Variants in KCNMB1 observed in about 807,000 individuals in gnomAD.
KCNMB1 encodes potassium calcium-activated channel subfamily M regulatory beta subunit 1, also known as calcium-activated potassium channel subunit beta-1.
Under a neutral mutation model 21.7 loss-of-function variants are expected in KCNMB1, and 22 were observed. That is an observed-to-expected ratio of 1.01 (90% CI 0.72 to 1.45). The LOEUF (loss-of-function observed/expected upper bound fraction) is 1.45. KCNMB1 is among the 40% of genes most tolerant of loss of function. The probability of loss-of-function intolerance (pLI) is 0.00; values close to 1 mark genes in which losing one functional copy is unlikely to be tolerated. For synonymous variants in KCNMB1, 114 were observed against 107.6 expected (o/e 1.06, Z -0.37); for missense variants, 243 against 243.4 (o/e 1.00, Z 0.01).
intron 3 of KCNMB1, among the ~76,000 whole-genome samples, chr5:170,379,684 C>A (rs1249260313): frequency 6.6e-6 from 1 of 152,204 alleles, no homozygotes; most frequent in African/African-American, 2.4e-5. Flanking sequence ...GAAACCAGAT[C>A]ACACCTGTAA....
intron 2 of KCNMB1, 108 bp downstream of exon 2, chr5:170,385,206 C>A: frequency 8.1e-7 from 1 of 1,234,832 alleles, no homozygotes. Flanking sequence ...GACCCTGCTG[C>A]CTTGAATGAG....
At position 170,377,285 on chromosome 5, in the gene KCNMB1, C is replaced by T. The variant is rs1764042968; in HGVS notation, c.*1419G>A. 6.6e-6 allele frequency: 1 copy of T among 152,324 alleles called. No homozygotes were observed. Among genetic ancestry groups the T allele is most frequent in the Admixed American group, 6.5e-5 (1 of 15,288 alleles). 9.4% of individuals were successfully genotyped at this position (152,324 alleles called of 1,614,324 possible). ...ATTGCTACCCCCACCCCGTGCAGGG[C>T]TTCTGGCGTGGTGGGGCTGGGACAG... is the stretch of plus-strand genomic sequence containing the variant. On this transcript the variant is annotated 3_prime_UTR_variant, in exon 4 of 4. Coordinates refer to ENST00000274629, the MANE Select transcript of KCNMB1 (RefSeq NM_004137.4).
In KCNMB1 at chr5:170,385,464, G is replaced by A. The variant is rs1189999141; in HGVS notation, c.-17C>T. The A allele has an allele frequency of 6.2e-7, 1 of 1,614,038 alleles. No individual in the cohort carries two copies. The highest frequency in any genetic ancestry group is 8.5e-7 in the Non-Finnish European group (1 of 1,179,978). ...CTTCACCATATTCACTGGGGGCAGT[G>A]ATCATTTCTAGGTCCACAGAAGCAA... On this transcript the variant is annotated 5_prime_UTR_variant, in exon 2 of 4. Coordinates refer to ENST00000274629, the MANE Select transcript of KCNMB1 (RefSeq NM_004137.4).
At position 170,377,951 on chromosome 5, in the gene KCNMB1, TC is replaced by T; in HGVS notation, c.*752del. Reference sequence around the variant, plus strand: ...AACTCCGTCCCCAGACCCACTTCCATCTTTTTCTGTGAGGGGGACACACTCT... The same window carrying T: ...AACTCCGTCCCCAGACCCACTTCCATTTTTTCTGTGAGGGGGACACACTCT... On this transcript the variant is annotated 3_prime_UTR_variant, in exon 4 of 4. Transcript: ENST00000274629. The T allele has an allele frequency of 6.6e-6, 1 of 152,054 alleles. No homozygotes were observed. Among genetic ancestry groups the T allele is most frequent in the East Asian group, 1.9e-4 (1 of 5,144 alleles). 9.4% of individuals were successfully genotyped at this position (152,054 alleles called of 1,614,324 possible).
intron 3 of KCNMB1, among the ~76,000 whole-genome samples, chr5:170,381,563 A>G (rs1213063076): frequency 5.3e-5 from 8 of 152,292 alleles, no homozygotes; most frequent in African/African-American, 1.9e-4. Context: ...GCTTGGCAAA[A>G]ACACGAAGGG....
Position 170,385,550 on chromosome 5 carries a change from G to A in KCNMB1, c.-24-79C>T, listed in dbSNP as rs1581135692. The A allele has an allele frequency of 3.1e-6, 4 of 1,296,460 alleles. No homozygotes were observed. The East Asian group carries it at 7.1e-5, about 23-fold the overall frequency. 80.3% of individuals were successfully genotyped at this position (1,296,460 alleles called of 1,614,324 possible). On this transcript the variant is annotated intron_variant, in intron 1 of 3. Transcript: ENST00000274629. ...ACAGAAAGAGAGGACAGGTGAGAGG[G>A]GAAGGTACTCAACTATTAATATCAC... is the stretch of plus-strand genomic sequence containing the variant.
Position 170,374,983 on chromosome 5 carries a change from A to G in KCNMB1, c.*3721T>C, listed in dbSNP as rs1394411239. On this transcript the variant is annotated 3_prime_UTR_variant, in exon 4 of 4. Coordinates refer to ENST00000274629, the MANE Select transcript of KCNMB1 (RefSeq NM_004137.4). ...AGAGGAACATGGCCTTTTCCCCTGC[A>G]GGGATTGTTTGGGTATTCTGAGTTT... The G allele has an allele frequency of 6.6e-6, 1 of 152,174 alleles. No individual in the cohort carries two copies. Among genetic ancestry groups the G allele is most frequent in the Non-Finnish European group, 1.5e-5 (1 of 68,020 alleles). 9.4% of individuals were successfully genotyped at this position (152,174 alleles called of 1,614,324 possible).
At chr5:170,383,874 A>G (rs1764359400) in intron 2 of KCNMB1, 24 bp from the exon 3 acceptor site, 5 of 1,611,812 alleles carry the variant, frequency 3.1e-6, no homozygotes, top group Non-Finnish European at 4.2e-6. Flanking sequence ...ACACATGCAC[A>G]CATACACATC....
At chr5:170,388,818 A>G (rs1296994535) in intron 1 of KCNMB1, among the ~76,000 whole-genome samples, 10 of 152,246 alleles carry the variant, frequency 6.6e-5, no homozygotes, top group Admixed American at 6.5e-4. Flanking sequence ...CAAATGCCAT[A>G]TTGAGTATCA....
At chr5:170,385,004 T>C (rs562072811) in intron 2 of KCNMB1, among the ~76,000 whole-genome samples, 2 of 152,300 alleles carry the variant, frequency 1.3e-5, no homozygotes, top group Admixed American at 1.3e-4. Context: ...CCTCCTGGGA[T>C]CAAACTTGCA....
Position 170,378,444 on chromosome 5 carries a change from T to G in KCNMB1, c.*260A>C. The G allele has an allele frequency of 2.2e-6, 1 of 452,118 alleles. No individual in the cohort carries two copies. Among genetic ancestry groups the G allele is most frequent in the South Asian group, 4.2e-5 (1 of 23,766 alleles). The allele number at this position is 452,118 out of a possible 1,614,324, so 28.0% of individuals were successfully genotyped here. A position where few individuals can be genotyped will look rare whatever the true frequency, so the allele number is the denominator to read the frequency against. On this transcript the variant is annotated 3_prime_UTR_variant, in exon 4 of 4. Coordinates refer to ENST00000274629, the MANE Select transcript of KCNMB1 (RefSeq NM_004137.4). ...CGGAAACAGGTATGAGTCAGTTGAG[T>G]GGGGACAGGTAATAGAGAGCTAGAA...
chr5:170,376,150 C>CTTTTTTTTTT lies in KCNMB1; in HGVS notation c.*2544_*2553dup, dbSNP rs397885011. On this transcript the variant is annotated 3_prime_UTR_variant, in exon 4 of 4. Coordinates refer to ENST00000274629, the MANE Select transcript of KCNMB1 (RefSeq NM_004137.4). Reference sequence around the variant, plus strand: ...AGTTTCTGAGTATTCATGACTTATTCTTTTTTTTTTTTTTTTTTTTTTTTT... The same window carrying CTTTTTTTTTT: ...AGTTTCTGAGTATTCATGACTTATTCTTTTTTTTTTTTTTTTTTTTTTTTTTTTTTTTTTT... 7 of 70,640 alleles carry CTTTTTTTTTT rather than the reference C, an allele frequency of 9.9e-5. No individual in the cohort carries two copies. The highest frequency in any genetic ancestry group is 1.1e-4 in the Non-Finnish European group (4 of 35,598). The allele number at this position is 70,640 out of a possible 1,614,324, so 4.4% of individuals were successfully genotyped here. A position where few individuals can be genotyped will look rare whatever the true frequency, so the allele number is the denominator to read the frequency against.
Position 170,388,020 on chromosome 5 carries a change from C to G in KCNMB1, c.-25+1239G>C, listed in dbSNP as rs536272919. 2.9e-3 allele frequency among the ~76,000 whole-genome samples: 407 copies of G among 141,572 alleles called. 4 individuals carry two copies. The highest frequency in any genetic ancestry group is 4.5e-3 in the Non-Finnish European group (304 of 67,162). 92.9% of individuals were successfully genotyped at this position (141,572 alleles called of 152,430 possible). A position where few individuals can be genotyped will look rare whatever the true frequency, so the allele number is the denominator to read the frequency against. On this transcript the variant is annotated intron_variant, in intron 1 of 3. Transcript: ENST00000274629. ...TGTGGCTCCTTCCTGGCTAATCAGC[C>G]CCCCCCAGCGCCCAGGGCCATGGCC... is the stretch of plus-strand genomic sequence containing the variant.
At chr5:170,380,769 C>T (rs979409503) in intron 3 of KCNMB1, among the ~76,000 whole-genome samples, 3 of 152,210 alleles carry the variant, frequency 2.0e-5, no homozygotes, top group Non-Finnish European at 2.9e-5. Context: ...CCTTGGCTAA[C>T]CTAGCTCCTT....
At position 170,385,406 on chromosome 5, in the gene KCNMB1, T is replaced by C. The variant is rs980115720; in HGVS notation, c.42A>G (p.Thr14=). The C allele has an allele frequency of 3.7e-6, 6 of 1,614,104 alleles. No homozygotes were observed. Among genetic ancestry groups the C allele is most frequent in the Non-Finnish European group, 5.1e-6 (6 of 1,180,010 alleles). The change falls in exon 2 of 4, where the codon ACA becomes ACG. Residue 14 remains threonine, a synonymous_variant. Coordinates refer to ENST00000274629, the MANE Select transcript of KCNMB1 (RefSeq NM_004137.4). Reference sequence around the variant, plus strand: ...TGGTTACACCCAGGCAAAGGGCTCGTGTCTCTCCCCGCTTCTGGGCCATCA... The same window carrying C: ...TGGTTACACCCAGGCAAAGGGCTCGCGTCTCTCCCCGCTTCTGGGCCATCA... ...KLVMAQKRGE[T]RALCLGVTMV... is the part of the protein sequence containing the mutation.
chr5:170,376,150 C>CTTTTTTTTTTTTTTTTTT lies in KCNMB1; in HGVS notation c.*2536_*2553dup, dbSNP rs397885011. ...AGTTTCTGAGTATTCATGACTTATT[C>CTTTTTTTTTTTTTTTTTT]TTTTTTTTTTTTTTTTTTTTTTTTT... On this transcript the variant is annotated 3_prime_UTR_variant, in exon 4 of 4. Coordinates refer to ENST00000274629, the MANE Select transcript of KCNMB1 (RefSeq NM_004137.4). 1 of 70,638 alleles carries CTTTTTTTTTTTTTTTTTT rather than the reference C, an allele frequency of 1.4e-5. No homozygotes were observed. The highest frequency in any genetic ancestry group is 2.8e-5 in the Non-Finnish European group (1 of 35,598). The allele number at this position is 70,638 out of a possible 1,614,324, so 4.4% of individuals were successfully genotyped here. A position where few individuals can be genotyped will look rare whatever the true frequency, so the allele number is the denominator to read the frequency against.
intron 3 of KCNMB1, among the ~76,000 whole-genome samples, chr5:170,381,593 C>A (rs1764242862): frequency 6.6e-6 from 1 of 152,126 alleles, no homozygotes; most frequent in South Asian, 2.1e-4. Context: ...TGCTTCCTCC[C>A]AGCTCCTGCA....
Position 170,375,669 on chromosome 5 carries a change from C to T in KCNMB1, c.*3035G>A, listed in dbSNP as rs112361232. ...AGTTCTGTGGTTGAGATGCCAGGTA[C>T]TGGAACACACAGCTCCAGGCTTGAG... On this transcript the variant is annotated 3_prime_UTR_variant, in exon 4 of 4. Transcript: ENST00000274629. 6.6e-6 allele frequency: 1 copy of T among 152,504 alleles called. No individual in the cohort carries two copies. Among genetic ancestry groups the T allele is most frequent in the African/African-American group, 2.4e-5 (1 of 41,466 alleles). 9.4% of individuals were successfully genotyped at this position (152,504 alleles called of 1,614,324 possible).
At position 170,378,855 on chromosome 5, in the gene KCNMB1, T is replaced by C; in HGVS notation, c.425A>G (p.Asn142Ser). ...VFYCFSAPRG[N>S]ETSVLFQRLY... is the part of the protein sequence containing the mutation. Reference sequence around the variant, plus strand: ...GCGCTGGAATAGGACGCTGGTTTCGTTCCCCCGAGGTGCGGAGAAGCAGTA... The same window carrying C: ...GCGCTGGAATAGGACGCTGGTTTCGCTCCCCCGAGGTGCGGAGAAGCAGTA... Residue 142 changes from asparagine (N) to serine (S), a missense_variant, in exon 4 of 4, where the codon AAC (asparagine) becomes AGC (serine). Physicochemically the swap from Asn to Ser is conservative, Grantham distance 46. Coordinates refer to ENST00000274629, the MANE Select transcript of KCNMB1 (RefSeq NM_004137.4). 2 of 1,614,246 alleles carry C rather than the reference T, an allele frequency of 1.2e-6. No individual in the cohort carries two copies. Among genetic ancestry groups the C allele is most frequent in the Non-Finnish European group, 1.7e-6 (2 of 1,180,042 alleles).
Sources: allele counts gnomAD v4.1 joint callset (sites outside exome capture counted in the v4.1 genomes callset), GRCh38; gene constraint gnomAD v4.1.1; transcripts MANE v1.5; gene names NCBI Gene and HGNC (gene_info 2026-07-23, HGNC 2026-07-21).